Variants in DHX33 observed in about 807,000 individuals in gnomAD.
DHX33 encodes the protein ATP-dependent RNA helicase DHX33.
Under a neutral mutation model 72.5 loss-of-function variants are expected in DHX33, and 42 were observed. The ratio of observed to expected loss-of-function variants is 0.58; its 90% CI spans 0.45 to 0.75. The LOEUF is 0.75. Among genes scored for constraint, DHX33 ranks in the 30% least tolerant of loss-of-function variants. The probability of loss-of-function intolerance (pLI) is 0.00; values close to 1 mark genes in which losing one functional copy is unlikely to be tolerated. For missense variants in DHX33, 842 were observed against 917.5 expected (o/e 0.92, Z 1.06); for synonymous variants, 358 against 366.1 (o/e 0.98, Z 0.25).
intron 11 of DHX33, among the ~76,000 whole-genome samples, chr17:5,448,165 A>G (rs914974605): frequency 1.4e-4 from 21 of 152,376 alleles, no homozygotes; most frequent in African/African-American, 5.0e-4. Flanking sequence ...ACTGCACTCC[A>G]GCCTGGGTGA....
Position 5,444,110 on chromosome 17 carries a change from A to C in DHX33, c.*95T>G. The C allele has an allele frequency of 1.4e-6, 2 of 1,436,808 alleles. No individual in the cohort carries two copies. The highest frequency in any genetic ancestry group is 1.9e-6 in the Non-Finnish European group (2 of 1,071,092). The allele number at this position is 1,436,808 out of a possible 1,614,324, so 89.0% of individuals were successfully genotyped here. On this transcript the variant is annotated 3_prime_UTR_variant, in exon 12 of 12. Coordinates refer to ENST00000225296, the MANE Select transcript of DHX33 (RefSeq NM_020162.4). The surrounding 1 kb of genome is among the most constrained non-coding windows in gnomAD (Gnocchi z 4.9). ...AGTCAGGCACCTTCAGCTGATTCCA[A>C]GGCTTCTCTAAGCGCCAACCTGGAA...
Position 5,453,820 on chromosome 17 carries a change from C to A in DHX33, c.1307+1G>T, listed in dbSNP as rs775501602. 1 of 1,613,800 alleles carries A rather than the reference C, an allele frequency of 6.2e-7. No homozygotes were observed. Among genetic ancestry groups the A allele is most frequent in the South Asian group, 1.1e-5 (1 of 91,008 alleles). On this transcript the variant is annotated splice_donor_variant, in intron 7 of 11. Transcript: ENST00000225296. LOFTEE classifies it high-confidence loss of function. ...GCAGTGCAGGAGCAACTGGTGCCTA[C>A]CTCTGGATCTCTGGCACGGTCATCT...
At chr17:5,463,923 C>CAG (rs958287513) in intron 1 of DHX33, among the ~76,000 whole-genome samples, 1 of 151,824 alleles carries the variant, frequency 6.6e-6, no homozygotes, top group Non-Finnish European at 1.5e-5. Context: ...GAGGCTGAGA[C>CAG]AGAAGGATCA....
In DHX33 at chr17:5,442,118, C is replaced by G. The variant is rs981823787; in HGVS notation, c.*2087G>C. ...CCATGTTGGCCAGGCTGGTCTTGAA[C>G]TTCTCAAGCAATCCACCCACCTCAG... On this transcript the variant is annotated 3_prime_UTR_variant, in exon 12 of 12. Transcript: ENST00000225296. The G allele has an allele frequency of 6.6e-6, 1 of 152,134 alleles. No individual in the cohort carries two copies. The highest frequency in any genetic ancestry group is 2.4e-5 in the African/African-American group (1 of 41,412). 9.4% of individuals were successfully genotyped at this position (152,134 alleles called of 1,614,324 possible).
At chr17:5,450,048 T>C (rs1330615616) in intron 10 of DHX33, among the ~76,000 whole-genome samples, 155 bp downstream of exon 10, 1 of 152,182 alleles carries the variant, frequency 6.6e-6, no homozygotes, top group East Asian at 1.9e-4. Context: ...TACTGAAGCA[T>C]TTCTGAAATG....
intron 8 of DHX33, 112 bp from the exon 9 acceptor site, chr17:5,451,046 C>A: frequency 8.0e-7 from 1 of 1,248,892 alleles, no homozygotes; most frequent in East Asian, 2.4e-5. Context: ...CAGCAAAAAT[C>A]ATAACCGCCA....
At chr17:5,448,296 T>TCA (rs1916743294) in intron 11 of DHX33, among the ~76,000 whole-genome samples, 1 of 152,214 alleles carries the variant, frequency 6.6e-6, no homozygotes, top group South Asian at 2.1e-4. Context: ...ATGTGTGTGC[T>TCA]CACACACAGG....
In DHX33 at chr17:5,448,997, C is replaced by G. The variant is rs140428212; in HGVS notation, c.1729-102G>C. 4 of 805,166 alleles carry G rather than the reference C, an allele frequency of 5.0e-6. No individual in the cohort carries two copies. The Admixed American group carries it at 1.0e-4, about 20-fold the overall frequency. The allele number at this position is 805,166 out of a possible 1,614,324, so 49.9% of individuals were successfully genotyped here. A position where few individuals can be genotyped will look rare whatever the true frequency, so the allele number is the denominator to read the frequency against. ...TTCCCTAGGCTGGAGTGCAGTGATA[C>G]AATCATAGCTCACTGCAAACCAATC... is the stretch of plus-strand genomic sequence containing the variant. On this transcript the variant is annotated intron_variant, in intron 10 of 11. Coordinates refer to ENST00000225296, the MANE Select transcript of DHX33 (RefSeq NM_020162.4).
chr17:5,468,719 T>G lies in DHX33; in HGVS notation c.141A>C (p.Gly47=). The G allele has an allele frequency of 6.3e-7, 1 of 1,590,180 alleles. No homozygotes were observed. Among genetic ancestry groups the G allele is most frequent in the Non-Finnish European group, 8.6e-7 (1 of 1,166,680 alleles). Residue 47 remains glycine, a synonymous_variant, in exon 1 of 12, where the codon GGA becomes GGC. Transcript: ENST00000225296. ...CCAGGGGCGGCTGCTGCCTCCGGCC[T>G]CCTCCTCCTCCTCTGCCGCCGCTGC... is the stretch of plus-strand genomic sequence containing the variant. ...TAGSGGRGGG[G]GRRQQPPLAQ...
intron 4 of DHX33, among the ~76,000 whole-genome samples, chr17:5,457,990 GA>G (rs1340182792): frequency 6.6e-6 from 1 of 152,228 alleles, no homozygotes; most frequent in Non-Finnish European, 1.5e-5. Flanking sequence ...TTTTGGAAGA[GA>G]GGGGAAAGGG....
chr17:5,465,485 G>A (rs765461029), intron 1 of DHX33, among the ~76,000 whole-genome samples: 12 of 152,160 alleles, frequency 7.9e-5, no homozygotes, highest in Non-Finnish European at 7.3e-5. Flanking sequence ...TTGAACTTTG[G>A]ATTCTTTCAA....
In DHX33 at chr17:5,468,970, C is replaced by CAT; in HGVS notation, c.-112_-111insAT. 1.7e-6 allele frequency: 1 copy of CAT among 604,724 alleles called. No individual in the cohort carries two copies. The highest frequency in any genetic ancestry group is 2.8e-6 in the Non-Finnish European group (1 of 362,582). The allele number at this position is 604,724 out of a possible 1,614,324, so 37.5% of individuals were successfully genotyped here. On this transcript the variant is annotated 5_prime_UTR_variant, in exon 1 of 12. The change creates a new upstream start codon in the 5' untranslated region. Coordinates refer to ENST00000225296, the MANE Select transcript of DHX33 (RefSeq NM_020162.4). ...TCCTCGCCGCCACGTGCTGGCGGCT[C>CAT]CCGGCGACCACCGATGACCTCACGG...
At chr17:5,452,314 C>A (rs1029637644) in intron 8 of DHX33, among the ~76,000 whole-genome samples, 1 of 151,848 alleles carries the variant, frequency 6.6e-6, no homozygotes, top group Admixed American at 6.6e-5. Flanking sequence ...CCGAGGTGGG[C>A]GGACCACCTA....
intron 1 of DHX33, among the ~76,000 whole-genome samples, chr17:5,466,256 T>C (rs1487457900): frequency 6.6e-6 from 1 of 152,230 alleles, no homozygotes; most frequent in Non-Finnish European, 1.5e-5. Context: ...ATAGGTTTCA[T>C]GTTAGATAAT....
intron 8 of DHX33, among the ~76,000 whole-genome samples, chr17:5,452,780 AC>A (rs1185206862): frequency 6.6e-6 from 1 of 152,206 alleles, no homozygotes; most frequent in African/African-American, 2.4e-5. Flanking sequence ...ATATATGCAT[AC>A]ATTTGCTCTA....
At chr17:5,455,060 A>T in intron 6 of DHX33, 100 bp downstream of exon 6, 3 of 1,070,782 alleles carry the variant, frequency 2.8e-6, no homozygotes, top group Non-Finnish European at 4.2e-6. Flanking sequence ...TGAATTTGTT[A>T]GTTACAAACA....
At chr17:5,445,696 C>T (rs1331505619) in intron 11 of DHX33, among the ~76,000 whole-genome samples, 1 of 152,150 alleles carries the variant, frequency 6.6e-6, no homozygotes, top group Non-Finnish European at 1.5e-5. Flanking sequence ...CTCTGCTGGG[C>T]TCTTGAGTGG....
Position 5,468,955 on chromosome 17 carries a change from C to T in DHX33, c.-96G>A. 8.4e-7 allele frequency: 1 copy of T among 1,190,384 alleles called. No homozygotes were observed. The highest frequency in any genetic ancestry group is 1.2e-6 in the Non-Finnish European group (1 of 851,688). The allele number at this position is 1,190,384 out of a possible 1,614,324, so 73.7% of individuals were successfully genotyped here. A position where few individuals can be genotyped will look rare whatever the true frequency, so the allele number is the denominator to read the frequency against. ...GAGCACACCGCCCCTTCCTCGCCGC[C>T]ACGTGCTGGCGGCTCCCGGCGACCA... On this transcript the variant is annotated 5_prime_UTR_variant, in exon 1 of 12. Transcript: ENST00000225296.
intron 4 of DHX33, among the ~76,000 whole-genome samples, chr17:5,456,677 T>C (rs936084698): frequency 6.6e-6 from 1 of 152,226 alleles, no homozygotes. Flanking sequence ...AATCATCAGA[T>C]TGATTTTTCT....
Sources: allele counts gnomAD v4.1 joint callset (sites outside exome capture counted in the v4.1 genomes callset), GRCh38; gene constraint gnomAD v4.1.1; non-coding constraint Gnocchi (gnomAD v3.1); transcripts MANE v1.5; gene names NCBI Gene and HGNC (gene_info 2026-07-23, HGNC 2026-07-21).